The following CADM2 variants were observed in gnomAD, a reference collection of about 807,000 sequenced individuals.
The protein encoded by CADM2 is immunoglobulin superfamily member 4D.
A neutral mutation model predicts 49.8 loss-of-function variants in CADM2; 12 were observed. The ratio of observed to expected loss-of-function variants is 0.24; its 90% CI spans 0.15 to 0.39. The LOEUF (loss-of-function observed/expected upper bound fraction) is 0.39. Among genes scored for constraint, CADM2 ranks in the 10% least tolerant of loss-of-function variants. The pLI, the probability that CADM2 is intolerant of heterozygous loss-of-function variation, is 1.00. For synonymous variants in CADM2, 214 were observed against 175.4 expected (o/e 1.22, Z -1.74); for missense variants, 378 against 492.3 (o/e 0.77, Z 2.20).
intron 2 of CADM2, among the ~76,000 whole-genome samples, chr3:85,775,422 G>A (rs180885961): frequency 8.2e-4 from 125 of 151,676 alleles, no homozygotes; most frequent in African/African-American, 2.7e-3. Flanking sequence ...CACTATATTG[G>A]TGATTGGTTC....
intron 1 of CADM2, among the ~76,000 whole-genome samples, chr3:85,132,073 T>G (rs993072261): frequency 7.9e-5 from 12 of 152,204 alleles, no homozygotes; most frequent in African/African-American, 2.4e-4. Context: ...GGTGAGAATG[T>G]TTTCCTGAAA....
intron 1 of CADM2, among the ~76,000 whole-genome samples, chr3:85,351,651 T>A (rs62253088): frequency 2.0e-5 from 3 of 151,908 alleles, no homozygotes; most frequent in Non-Finnish European, 2.9e-5. Flanking sequence ...TGAGGGAATG[T>A]GGGAATTGCT....
chr3:85,320,189 A>ATGCTGT (rs1251934623), intron 1 of CADM2, among the ~76,000 whole-genome samples: 1 of 152,176 alleles, frequency 6.6e-6, no homozygotes, highest in Non-Finnish European at 1.5e-5. Flanking sequence ...GAGGTCACAA[A>ATGCTGT]TGCTGTTAAA....
intron 1 of CADM2, among the ~76,000 whole-genome samples, chr3:85,638,897 A>G (rs1321836834): frequency 6.6e-6 from 1 of 152,096 alleles, no homozygotes; most frequent in African/African-American, 2.4e-5. Context: ...CCCAATGTAA[A>G]CTTAGAAAGG....
intron 2 of CADM2, among the ~76,000 whole-genome samples, chr3:85,792,781 G>A (rs990533197): frequency 1.3e-5 from 2 of 152,232 alleles, no homozygotes; most frequent in African/African-American, 4.8e-5. Flanking sequence ...TTTGGGATCA[G>A]TGTTAAAACA....
intron 1 of CADM2, among the ~76,000 whole-genome samples, chr3:85,274,956 G>T (rs900259287): frequency 2.0e-5 from 3 of 151,358 alleles, no homozygotes; most frequent in Non-Finnish European, 4.4e-5. Flanking sequence ...AGAAGAGAAT[G>T]TGTAAAGACC....
In CADM2 at chr3:85,371,677, G is replaced by GTGTGTATATATA. The variant is rs1251505613; in HGVS notation, c.62-354844_62-354843insGTGTATATATAT. 5.2e-3 allele frequency among the ~76,000 whole-genome samples: 499 copies of GTGTGTATATATA among 95,050 alleles called. 3 individuals are homozygous for GTGTGTATATATA. The highest frequency in any genetic ancestry group is 6.2e-3 in the African/African-American group (140 of 22,494). 62.4% of individuals were successfully genotyped at this position (95,050 alleles called of 152,430 possible). On this transcript the variant is annotated intron_variant, in intron 1 of 9. Coordinates refer to ENST00000383699, the MANE Select transcript of CADM2 (RefSeq NM_001167675.2). ...TATATATATATGTGTGTGTGTGTGT[G>GTGTGTATATATA]TATATATATATATATATATATATAT... is the stretch of plus-strand genomic sequence containing the variant.
At chr3:85,008,576 G>A (rs2033848854) in intron 1 of CADM2, among the ~76,000 whole-genome samples, 1 of 151,918 alleles carries the variant, frequency 6.6e-6, no homozygotes, top group Admixed American at 6.6e-5. Flanking sequence ...ATATAGGGAA[G>A]TAGGAACGGA....
intron 1 of CADM2, among the ~76,000 whole-genome samples, chr3:85,330,707 A>G (rs2044894577): frequency 6.6e-6 from 1 of 151,438 alleles, no homozygotes; most frequent in Non-Finnish European, 1.5e-5. Context: ...CTATAATTCC[A>G]TCACTTTGGG....
chr3:85,888,827 C>A (rs564789431), intron 5 of CADM2, among the ~76,000 whole-genome samples: 3 of 152,234 alleles, frequency 2.0e-5, no homozygotes, highest in Non-Finnish European at 4.4e-5. Context: ...CATCTTTTAG[C>A]AAACCCTCCT....
At chr3:85,156,364 G>C (rs1284690009) in intron 1 of CADM2, among the ~76,000 whole-genome samples, 1 of 152,048 alleles carries the variant, frequency 6.6e-6, no homozygotes, top group African/African-American at 2.4e-5. Flanking sequence ...AAATAAACTA[G>C]AAAATCTAGA....
intron 8 of CADM2, among the ~76,000 whole-genome samples, chr3:86,016,862 T>G (rs565809283): frequency 7.2e-5 from 11 of 152,256 alleles, no homozygotes; most frequent in Non-Finnish European, 1.3e-4. Context: ...TTACTAAGGA[T>G]TCAATGAGGG....
At chr3:85,080,333 A>G (rs2037116224) in intron 1 of CADM2, among the ~76,000 whole-genome samples, 1 of 152,040 alleles carries the variant, frequency 6.6e-6, no homozygotes, top group African/African-American at 2.4e-5. Flanking sequence ...TGCTTGGTCA[A>G]AAACAGAAAA....
intron 2 of CADM2, among the ~76,000 whole-genome samples, chr3:85,779,664 G>C (rs1026799693): frequency 6.6e-6 from 1 of 152,158 alleles, no homozygotes; most frequent in East Asian, 1.9e-4. Context: ...CCCACAATAC[G>C]TGGGGATTAT....
chr3:85,266,754 A>T (rs1458831385), intron 1 of CADM2, among the ~76,000 whole-genome samples: 1 of 151,820 alleles, frequency 6.6e-6, no homozygotes, highest in African/African-American at 2.4e-5. Context: ...GGTAATCAGC[A>T]ATTTTATTGC....
intron 3 of CADM2, among the ~76,000 whole-genome samples, chr3:85,822,424 A>G (rs1025148863): frequency 4.6e-5 from 7 of 152,036 alleles, no homozygotes; most frequent in African/African-American, 1.7e-4. Flanking sequence ...TCTTTACTAA[A>G]AATACAAAAA....
intron 1 of CADM2, among the ~76,000 whole-genome samples, chr3:85,080,267 C>T (rs1444794938): frequency 6.6e-6 from 1 of 151,968 alleles, no homozygotes; most frequent in Non-Finnish European, 1.5e-5. Flanking sequence ...TGCCTCTTAA[C>T]TCCTATTTTA....
rs140740305 is a variant in CADM2 at position 85,205,191 on chromosome 3, T to TAA, written c.61+245532_61+245533dup. ...TGCCACCGTGCCTGGTTAATTTTTC[T>TAA]AAAAAAAAAATTGTAGAGACAGGGT... On this transcript the variant is annotated intron_variant, in intron 1 of 9. Transcript: ENST00000383699. 2.1e-3 allele frequency among the ~76,000 whole-genome samples: 317 copies of TAA among 148,354 alleles called. 1 individual carries two copies. Among genetic ancestry groups the TAA allele is most frequent in the African/African-American group, 7.4e-3 (300 of 40,694 alleles).
intron 3 of CADM2, among the ~76,000 whole-genome samples, chr3:85,820,562 C>A (rs1301599342): frequency 6.6e-6 from 1 of 152,160 alleles, no homozygotes; most frequent in African/African-American, 2.4e-5. Flanking sequence ...TGGATGATTT[C>A]ATGGCTTTTG....
Sources: allele counts gnomAD v4.1 joint callset (sites outside exome capture counted in the v4.1 genomes callset), GRCh38; gene constraint gnomAD v4.1.1; transcripts MANE v1.5; gene names NCBI Gene and HGNC (gene_info 2026-07-23, HGNC 2026-07-21).